PARP8: variants seen among roughly 807,000 people sequenced by gnomAD.
PARP8 encodes protein mono-ADP-ribosyltransferase PARP8.
A neutral mutation model predicts 124.1 loss-of-function variants in PARP8; 51 were observed. The ratio of observed to expected loss-of-function variants is 0.41; its 90% CI spans 0.33 to 0.52. The LOEUF (loss-of-function observed/expected upper bound fraction) is 0.52. Among genes scored for constraint, PARP8 ranks in the 20% least tolerant of loss-of-function variants. The pLI is 0.21. For synonymous variants in PARP8, 391 were observed against 361.5 expected (o/e 1.08, Z -0.93); for missense variants, 860 against 1,018.9 (o/e 0.84, Z 2.12).
rs749552939 is a variant in PARP8, at chr5:50,821,216, G to A, written c.1672G>A (p.Val558Ile). The A allele has an allele frequency of 3.1e-6, 5 of 1,613,846 alleles. No individual in the cohort carries two copies. The highest frequency in any genetic ancestry group is 1.3e-5 in the African/African-American group (1 of 74,918). ...TATCTTATGTGTATATTTCAAGGTGGTAGATCTACTAGTATCCATGTGTAG... is the reference window on the plus strand; with the variant it reads ...TATCTTATGTGTATATTTCAAGGTGATAGATCTACTAGTATCCATGTGTAG... ...ADEIATGAQV[V>I]DLLVSMCRSA... Residue 558 changes from valine to isoleucine, a missense_variant, in exon 16 of 26, where the codon GTA becomes ATA. Physicochemically the swap from Val to Ile is conservative, Grantham distance 29. Around this residue, in one of 2 missense-constraint regions of PARP8, gnomAD observed 343 missense variants for 474.7 expected, o/e 0.72. Transcript: ENST00000281631.
chr5:50,815,285 T>G, intron 14 of PARP8, 147 bp from the exon 15 acceptor site: 1 of 515,478 alleles, frequency 1.9e-6, no homozygotes, highest in Non-Finnish European at 3.3e-6. Flanking sequence ...AATTTAAGAA[T>G]TTATTTCGTA....
At chr5:50,813,262 A>G (rs1292256257) in intron 14 of PARP8, among the ~76,000 whole-genome samples, 1 of 151,978 alleles carries the variant, frequency 6.6e-6, no homozygotes, top group East Asian at 1.9e-4. Flanking sequence ...ATCCTCTTTT[A>G]TTTCGTTGAG....
intron 8 of PARP8, 122 bp downstream of exon 8, chr5:50,778,251 G>T: frequency 2.6e-6 from 2 of 755,094 alleles, no homozygotes; most frequent in South Asian, 2.1e-5. Flanking sequence ...GACTGTTAAG[G>T]TGCTTTGTGA....
At chr5:50,809,660 A>G (rs1744222896) in intron 14 of PARP8, among the ~76,000 whole-genome samples, 1 of 152,054 alleles carries the variant, frequency 6.6e-6, no homozygotes. Context: ...TATAGATAGG[A>G]AAAATGAGCT....
At chr5:50,754,597 G>A (rs1412582936) in intron 3 of PARP8, among the ~76,000 whole-genome samples, 1 of 152,070 alleles carries the variant, frequency 6.6e-6, no homozygotes, top group East Asian at 1.9e-4. Context: ...TGGACATTTG[G>A]GTTGGTTCCA....
intron 14 of PARP8, among the ~76,000 whole-genome samples, chr5:50,804,059 C>T (rs536684772): frequency 6.6e-6 from 1 of 152,284 alleles, no homozygotes; most frequent in South Asian, 2.1e-4. Flanking sequence ...TGGGCAAGCA[C>T]ATGGCCTTCT....
chr5:50,711,395 T>A (rs1332519511), intron 2 of PARP8, among the ~76,000 whole-genome samples: 3 of 152,112 alleles, frequency 2.0e-5, no homozygotes, highest in Non-Finnish European at 4.4e-5. Context: ...GCCTTCTCCC[T>A]CCTCCCCTAA....
At chr5:50,691,316 A>G (rs1752475621) in intron 2 of PARP8, among the ~76,000 whole-genome samples, 1 of 152,080 alleles carries the variant, frequency 6.6e-6, no homozygotes, top group Non-Finnish European at 1.5e-5. Flanking sequence ...TCAGCCTTAC[A>G]GCAGTCTGCC....
chr5:50,677,937 C>A (rs1419126701), intron 2 of PARP8, among the ~76,000 whole-genome samples: 4 of 148,972 alleles, frequency 2.7e-5, no homozygotes, highest in South Asian at 2.1e-4. Context: ...AAAAAAAAAA[C>A]CCTGTACATT....
rs185519199 is a variant in PARP8 at position 50,775,366 on chromosome 5, C to A, written c.519-2703C>A. ...GGTCAGGAGCTGGAGACCAGCCCGG[C>A]CAACACGGTGAAACCCCGTCTCCAC... is the stretch of plus-strand genomic sequence containing the variant. On this transcript the variant is annotated intron_variant, in intron 7 of 25. Transcript: ENST00000281631. Among the ~76,000 whole-genome samples, 296 of 152,298 alleles carry A rather than the reference C, an allele frequency of 1.9e-3. 2 individuals are homozygous for A. Among genetic ancestry groups the A allele is most frequent in the African/African-American group, 6.7e-3 (279 of 41,564 alleles).
At chr5:50,697,377 C>A (rs1398288936) in intron 2 of PARP8, among the ~76,000 whole-genome samples, 1 of 152,146 alleles carries the variant, frequency 6.6e-6, no homozygotes, top group Non-Finnish European at 1.5e-5. Flanking sequence ...ATCTGAAAAT[C>A]CTATCTCATA....
At chr5:50,808,659 G>T (rs746788828) in intron 14 of PARP8, among the ~76,000 whole-genome samples, 8 of 152,002 alleles carry the variant, frequency 5.3e-5, no homozygotes, top group Non-Finnish European at 8.8e-5. Flanking sequence ...ACAGCTATCC[G>T]TTTGGGAACA....
chr5:50,826,681 G>T, intron 18 of PARP8, 74 bp from the exon 19 acceptor site: 1 of 1,486,686 alleles, frequency 6.7e-7, no homozygotes, highest in East Asian at 2.6e-5. Context: ...AGTTTTAATC[G>T]GTTGCCAACT....
Position 50,795,287 on chromosome 5 carries a change from A to G in PARP8, c.1298A>G (p.Tyr433Cys). The G allele has an allele frequency of 6.2e-7, 1 of 1,614,038 alleles. No homozygotes were observed. Among genetic ancestry groups the G allele is most frequent in the South Asian group, 1.1e-5 (1 of 91,072 alleles). The change falls in exon 12 of 26, where the codon TAC (tyrosine) becomes TGC (cysteine). Residue 433 changes from tyrosine (Y) to cysteine (C), a missense_variant. By Grantham distance (194) the Tyr-to-Cys change is radical (BLOSUM62 -2). Coordinates refer to ENST00000281631, the MANE Select transcript of PARP8 (RefSeq NM_024615.4). Reference protein sequence around the residue: ...LKNHKLLSKSYSSAPKSSKTE... With the variant: ...LKNHKLLSKSCSSAPKSSKTE... Reference sequence around the variant, plus strand: ...AATCACAAATTGCTCAGCAAGTCCTACTCCAGTGCCCCCAAGTCATCCAAA... The same window carrying G: ...AATCACAAATTGCTCAGCAAGTCCTGCTCCAGTGCCCCCAAGTCATCCAAA...
intron 15 of PARP8, among the ~76,000 whole-genome samples, chr5:50,816,403 A>G (rs1000948300): frequency 6.6e-5 from 10 of 152,196 alleles, no homozygotes; most frequent in African/African-American, 2.2e-4. Flanking sequence ...TGCTAATACA[A>G]ACTATAGGAC....
chr5:50,830,666 T>C lies in PARP8; in HGVS notation c.2233+705T>C, dbSNP rs1580492939. Among the ~76,000 whole-genome samples, 3 of 152,154 alleles carry C rather than the reference T, an allele frequency of 2.0e-5. No individual in the cohort carries two copies. In the East Asian group the frequency reaches 5.8e-4, roughly 29 times the overall value. On this transcript the variant is annotated intron_variant, in intron 22 of 25. Coordinates refer to ENST00000281631, the MANE Select transcript of PARP8 (RefSeq NM_024615.4). Reference sequence around the variant, plus strand: ...ATATAAAATAATTATGCTCATTGTATAAATTCAAGCTACACAGAATTTTTG... The same window carrying C: ...ATATAAAATAATTATGCTCATTGTACAAATTCAAGCTACACAGAATTTTTG...
At chr5:50,774,915 C>G (rs1580298246) in intron 7 of PARP8, among the ~76,000 whole-genome samples, 1 of 147,790 alleles carries the variant, frequency 6.8e-6, no homozygotes, top group South Asian at 2.2e-4. Flanking sequence ...CTCCCCACTT[C>G]CCAGATGGGG....
chr5:50,843,892 T>C lies in PARP8; in HGVS notation c.*1824T>C, dbSNP rs1279129088. 3.3e-5 allele frequency: 5 copies of C among 151,876 alleles called. No individual in the cohort carries two copies. Among genetic ancestry groups the C allele is most frequent in the Non-Finnish European group, 7.4e-5 (5 of 67,820 alleles). 9.4% of individuals were successfully genotyped at this position (151,876 alleles called of 1,614,324 possible). On this transcript the variant is annotated 3_prime_UTR_variant, in exon 26 of 26. Coordinates refer to ENST00000281631, the MANE Select transcript of PARP8 (RefSeq NM_024615.4). Reference sequence around the variant, plus strand: ...AGTCTATACATGACAAACATGAAGATCTAATATCAAGATTTGGGAGACGGG... The same window carrying C: ...AGTCTATACATGACAAACATGAAGACCTAATATCAAGATTTGGGAGACGGG...
chr5:50,684,214 TAAAG>T (rs1328302667), intron 2 of PARP8, among the ~76,000 whole-genome samples: 1 of 152,158 alleles, frequency 6.6e-6, no homozygotes, highest in Non-Finnish European at 1.5e-5. Context: ...TGAAAAGAAA[TAAAG>T]ACTCGACTTC....
Sources: allele counts gnomAD v4.1 joint callset (sites outside exome capture counted in the v4.1 genomes callset), GRCh38; gene constraint gnomAD v4.1.1; regional missense constraint gnomAD v4.1.1; transcripts MANE v1.5; gene names NCBI Gene and HGNC (gene_info 2026-07-23, HGNC 2026-07-21).